The following MYOCD variants were observed in gnomAD, a reference collection of about 807,000 sequenced individuals.
MYOCD encodes myocardin.
Under a neutral mutation model 96.1 loss-of-function variants are expected in MYOCD, and 32 were observed. The ratio of observed to expected loss-of-function variants is 0.33; its 90% CI spans 0.25 to 0.45. The LOEUF (loss-of-function observed/expected upper bound fraction) is 0.45, where lower values mean the gene tolerates loss of function less well. Ranked by LOEUF, MYOCD falls within the 20% of genes least tolerant of loss-of-function variation. MYOCD has a pLI of 1.00. For missense variants in MYOCD, 1,133 were observed against 1,200.6 expected (o/e 0.94, Z 0.83); for synonymous variants, 469 against 469.0 (o/e 1.00, Z 0.00).
chr17:12,749,572 A>G (rs1389461923), intron 9 of MYOCD, among the ~76,000 whole-genome samples: 1 of 148,486 alleles, frequency 6.7e-6, no homozygotes, highest in Non-Finnish European at 1.5e-5. Context: ...ATGTATATGT[A>G]TATATACAAA....
At position 12,717,551 on chromosome 17, in the gene MYOCD, C is replaced by T. The variant is rs2031686765; in HGVS notation, c.253+130C>T. The T allele has an allele frequency of 1.4e-5, 10 of 730,464 alleles. No individual in the cohort carries two copies. The East Asian group carries it at 2.8e-4, about 21-fold the overall frequency. 45.2% of individuals were successfully genotyped at this position (730,464 alleles called of 1,614,324 possible). On this transcript the variant is annotated intron_variant, in intron 4 of 13. Coordinates refer to ENST00000425538, the MANE Select transcript of MYOCD (RefSeq NM_001146312.3). ...CCTTGCCGTTACAAAGTGGTAGTTT[C>T]AAGTAATCATCTAAGCCTTCTAGGC...
intron 4 of MYOCD, among the ~76,000 whole-genome samples, chr17:12,717,739 T>G (rs906760671): frequency 7.2e-5 from 11 of 152,212 alleles, no homozygotes; most frequent in African/African-American, 2.7e-4. Context: ...TTATTACTAA[T>G]CTGGATCATC....
At chr17:12,716,131 A>G (rs186727360) in intron 3 of MYOCD, among the ~76,000 whole-genome samples, 1 of 152,316 alleles carries the variant, frequency 6.6e-6, no homozygotes, top group Admixed American at 6.5e-5. Flanking sequence ...AATAAATACT[A>G]TTTAGCAAGT....
chr17:12,715,955 G>T (rs995661814), intron 3 of MYOCD, among the ~76,000 whole-genome samples: 2 of 152,016 alleles, frequency 1.3e-5, no homozygotes, highest in African/African-American at 4.8e-5. Context: ...CCAATTCAAG[G>T]GTAAGGCATG....
chr17:12,737,637 C>CCCTT (rs2032385666), intron 6 of MYOCD, among the ~76,000 whole-genome samples: 1 of 152,228 alleles, frequency 6.6e-6, no homozygotes, highest in Admixed American at 6.5e-5. Context: ...GACCCTCAGC[C>CCCTT]CCTTCCCTTT....
intron 7 of MYOCD, among the ~76,000 whole-genome samples, chr17:12,743,411 C>T (rs1350238505): frequency 6.7e-6 from 1 of 150,076 alleles, no homozygotes; most frequent in Non-Finnish European, 1.5e-5. Context: ...TTAGTTTTAT[C>T]TTAGTTTATG....
intron 2 of MYOCD, among the ~76,000 whole-genome samples, chr17:12,708,539 C>G (rs1415346065): frequency 6.6e-6 from 1 of 151,986 alleles, no homozygotes; most frequent in Non-Finnish European, 1.5e-5. Flanking sequence ...ACTACAGGCA[C>G]GTGCCACCAT....
At chr17:12,694,572 A>C (rs1418145385) in intron 1 of MYOCD, among the ~76,000 whole-genome samples, 1 of 152,144 alleles carries the variant, frequency 6.6e-6, no homozygotes, top group African/African-American at 2.4e-5. Context: ...GCTTCAGAGG[A>C]GAGAAAGATT....
At chr17:12,683,540 A>G (rs913301502) in intron 1 of MYOCD, among the ~76,000 whole-genome samples, 1 of 152,040 alleles carries the variant, frequency 6.6e-6, no homozygotes, top group Non-Finnish European at 1.5e-5. Flanking sequence ...TCTTTCGGGA[A>G]TGAAAATTAC....
chr17:12,709,124 A>G (rs1484930482), intron 2 of MYOCD, among the ~76,000 whole-genome samples: 1 of 152,206 alleles, frequency 6.6e-6, no homozygotes, highest in African/African-American at 2.4e-5. Flanking sequence ...TTCCAAATTG[A>G]TAATTAAATT....
intron 1 of MYOCD, among the ~76,000 whole-genome samples, chr17:12,684,155 C>CT (rs34863981): frequency 3.3e-5 from 5 of 152,046 alleles, no homozygotes; most frequent in South Asian, 4.2e-4. Context: ...CATAGCAATT[C>CT]TTTTTTTTCC....
intron 4 of MYOCD, among the ~76,000 whole-genome samples, chr17:12,721,700 G>A (rs970754394): frequency 2.0e-5 from 3 of 152,156 alleles, no homozygotes; most frequent in African/African-American, 7.2e-5. Context: ...ATGGTGGGAA[G>A]CATCTTGTAC....
chr17:12,714,771 G>A (rs563963217), intron 2 of MYOCD, among the ~76,000 whole-genome samples: 2 of 152,294 alleles, frequency 1.3e-5, no homozygotes, highest in African/African-American at 4.8e-5. Flanking sequence ...CACGGCTGCT[G>A]TGTGTTCTGT....
intron 1 of MYOCD, among the ~76,000 whole-genome samples, chr17:12,688,452 C>T (rs1046220859): frequency 1.3e-5 from 2 of 151,326 alleles, no homozygotes; most frequent in African/African-American, 4.9e-5. Flanking sequence ...CCTTCCATCT[C>T]CTTCCTTCCT....
chr17:12,737,381 C>A (rs2032377313), intron 6 of MYOCD, among the ~76,000 whole-genome samples: 1 of 152,190 alleles, frequency 6.6e-6, no homozygotes, highest in African/African-American at 2.4e-5. Context: ...AAATCAGAGA[C>A]CCCTCCAAGT....
At chr17:12,713,750 CT>C (rs1424889191) in intron 2 of MYOCD, among the ~76,000 whole-genome samples, 6 of 152,014 alleles carry the variant, frequency 3.9e-5, no homozygotes, top group African/African-American at 7.3e-5. Flanking sequence ...TAAATTCCAC[CT>C]GCGATCAAAC....
intron 3 of MYOCD, 150 bp from the exon 4 acceptor site, chr17:12,717,196 G>C (rs1490090105): frequency 1.6e-6 from 1 of 607,448 alleles, no homozygotes; most frequent in Non-Finnish European, 2.9e-6. Flanking sequence ...TACTCGAGGG[G>C]TCTTTGGAAA....
intron 7 of MYOCD, among the ~76,000 whole-genome samples, chr17:12,741,200 C>T (rs2032498086): frequency 6.6e-6 from 1 of 152,106 alleles, no homozygotes; most frequent in African/African-American, 2.4e-5. Context: ...GGATGATAGA[C>T]ACTTCAGTTT....
At chr17:12,695,031 T>A (rs2030678002) in intron 1 of MYOCD, among the ~76,000 whole-genome samples, 1 of 152,028 alleles carries the variant, frequency 6.6e-6, no homozygotes, top group Non-Finnish European at 1.5e-5. Context: ...TATAATGTGA[T>A]CCCACACAAA....
Sources: allele counts gnomAD v4.1 joint callset (sites outside exome capture counted in the v4.1 genomes callset), GRCh38; gene constraint gnomAD v4.1.1; transcripts MANE v1.5; gene names NCBI Gene and HGNC (gene_info 2026-07-23, HGNC 2026-07-21).